Variants in CGRRF1 observed in about 807,000 individuals in gnomAD.
CGRRF1 encodes the protein cell growth regulator with RING finger domain protein 1.
Under a neutral mutation model 37.2 loss-of-function variants are expected in CGRRF1, and 32 were observed. The ratio of observed to expected loss-of-function variants is 0.86; its 90% confidence interval spans 0.65 to 1.16. The LOEUF (loss-of-function observed/expected upper bound fraction) is 1.16. Ranked by LOEUF, CGRRF1 falls within the 50% of genes most tolerant of loss-of-function variation. CGRRF1 has a pLI of 0.00. For synonymous variants in CGRRF1, 141 were observed against 140.3 expected, an observed-to-expected ratio of 1.00 and a Z score of -0.04; for missense variants, 391 against 382.6, an observed-to-expected ratio of 1.02 and a Z score of -0.18.
chr14:54,515,964 TTTTG>T (rs1218720911), intron 1 of CGRRF1, among the ~76,000 whole-genome samples: 1 of 152,186 alleles, frequency 6.6e-6, no homozygotes, highest in Admixed American at 6.5e-5. Context: ...GCTATTCGTT[TTTTG>T]TTTGTTTTGT....
chr14:54,519,411 AT>A (rs1217283462), intron 1 of CGRRF1, among the ~76,000 whole-genome samples: 3,514 of 121,576 alleles, frequency 0.029, 57 homozygotes, highest in East Asian at 0.088. Context: ...CTAATTTTCC[AT>A]TTTTTTTTTT....
chr14:54,523,519 T>G (rs1444902329), intron 2 of CGRRF1, among the ~76,000 whole-genome samples: 1 of 150,984 alleles, frequency 6.6e-6, no homozygotes, highest in Non-Finnish European at 1.5e-5. Flanking sequence ...CTCTCTTACT[T>G]TTTTTTTCTT....
At chr14:54,510,141 A>AGCCGGAGGGCCGCGG (rs1303310589) in intron 1 of CGRRF1, 78 bp downstream of exon 1, 3 of 1,096,170 alleles carry the variant, frequency 2.7e-6, no homozygotes, top group Non-Finnish European at 4.1e-6. Context: ...GGGGCACCGG[A>AGCCGGAGGGCCGCGG]GCCGGAGGGC....
At chr14:54,518,405 CCAGGCGTGGTGGTGCAT>C (rs2032253483) in intron 1 of CGRRF1, among the ~76,000 whole-genome samples, 1 of 151,956 alleles carries the variant, frequency 6.6e-6, no homozygotes, top group Non-Finnish European at 1.5e-5. Flanking sequence ...AAAAAATTAG[CCAGGCGTGGTGGTGCAT>C]GCCTGGAATC....
At chr14:54,520,171 C>T (rs902007638) in intron 1 of CGRRF1, among the ~76,000 whole-genome samples, 6 of 152,000 alleles carry the variant, frequency 3.9e-5, no homozygotes, top group East Asian at 1.9e-4. Context: ...TGCAATGGCG[C>T]GATCTTGGCT....
At chr14:54,519,083 C>T (rs887716859) in intron 1 of CGRRF1, among the ~76,000 whole-genome samples, 4 of 152,042 alleles carry the variant, frequency 2.6e-5, no homozygotes, top group Non-Finnish European at 4.4e-5. Flanking sequence ...GCTGGGATTA[C>T]AGGCATGCAC....
chr14:54,516,943 A>G (rs989351548), intron 1 of CGRRF1, among the ~76,000 whole-genome samples: 1 of 152,082 alleles, frequency 6.6e-6, no homozygotes, highest in Admixed American at 6.6e-5. Context: ...TCTGCTGTTA[A>G]TCTCATCCAC....
chr14:54,520,277 TTGTGTGTGTGTGTGTA>T (rs898711800), intron 1 of CGRRF1, among the ~76,000 whole-genome samples: 1 of 150,796 alleles, frequency 6.6e-6, no homozygotes, highest in African/African-American at 2.4e-5. Flanking sequence ...CCTGGCTAAT[TTGTGTGTGTGTGTGTA>T]TGTGTGTGTG....
rs1319061196 is a variant in CGRRF1 at position 54,538,346 on chromosome 14, A to G, written c.962A>G (p.Gln321Arg). 1.2e-6 allele frequency: 2 copies of G among 1,612,522 alleles called. No individual in the cohort carries two copies. The highest frequency in any genetic ancestry group is 1.3e-5 in the African/African-American group (1 of 75,034). Residue 321 changes from glutamine to arginine, a missense_variant, in exon 6 of 6, where the codon CAA (glutamine) becomes CGA (arginine). Coordinates refer to ENST00000216420, the MANE Select transcript of CGRRF1 (RefSeq NM_006568.3). ...CAGGAATCTTTTGCACTTTGCAGTC[A>G]AAAAGAGCAAGATAAAGACAAACCG... ...FVQESFALCS[Q>R]KEQDKDKPKT...
chr14:54,520,106 TTTTA>T (rs2032290249), intron 1 of CGRRF1, among the ~76,000 whole-genome samples: 1 of 152,160 alleles, frequency 6.6e-6, no homozygotes, highest in Admixed American at 6.5e-5. Flanking sequence ...AAATCTTATT[TTTTA>T]TTTATTTATT....
chr14:54,522,401 C>G, intron 1 of CGRRF1, 53 bp from the exon 2 acceptor site: 1 of 1,284,802 alleles, frequency 7.8e-7, no homozygotes, highest in South Asian at 1.6e-5. Context: ...TTACACATAA[C>G]ATAAAGTTTC....
In CGRRF1 at chr14:54,522,610, CAAAG is replaced by C; in HGVS notation, c.244+19_244+22del. The C allele has an allele frequency of 6.4e-7, 1 of 1,574,150 alleles. No homozygotes were observed. Among genetic ancestry groups the C allele is most frequent in the African/African-American group, 1.4e-5 (1 of 72,504 alleles). ...CAATTACAAGTTGGTGGCTGTTTTC[CAAAG>C]ATTTTCTCTCATTGTTTGCCCTCTT... On this transcript the variant is annotated intron_variant, in intron 2 of 5. Transcript: ENST00000216420.
At chr14:54,521,687 T>C (rs1321604141) in intron 1 of CGRRF1, among the ~76,000 whole-genome samples, 1 of 151,814 alleles carries the variant, frequency 6.6e-6, no homozygotes. Context: ...GTATTTTTAT[T>C]AATGACAGGG....
intron 3 of CGRRF1, chr14:54,530,476 A>T (rs2032494164): frequency 9.4e-7 from 1 of 1,062,144 alleles, no homozygotes; most frequent in Non-Finnish European, 1.3e-6. Flanking sequence ...TTGCTAACTT[A>T]TTGATCATTT....
intron 4 of CGRRF1, chr14:54,537,016 A>G (rs1030333480): frequency 1.3e-5 from 2 of 151,978 alleles, no homozygotes; most frequent in Non-Finnish European, 2.9e-5. Flanking sequence ...TGGTATGAGG[A>G]ATGCATCTAA....
chr14:54,536,537 CCA>C (rs1324928166), intron 4 of CGRRF1: 1 of 152,088 alleles, frequency 6.6e-6, no homozygotes, highest in African/African-American at 2.4e-5. Flanking sequence ...GAGTGTATTT[CCA>C]CAGAGTGTAT....
intron 4 of CGRRF1, chr14:54,536,597 A>G (rs1289719286): frequency 1.3e-5 from 2 of 152,216 alleles, no homozygotes; most frequent in Non-Finnish European, 2.9e-5. Flanking sequence ...ATAATGGTGC[A>G]GTATTAATTT....
Position 54,538,909 on chromosome 14 carries a change from C to T in CGRRF1, c.*526C>T, listed in dbSNP as rs566667639. The T allele has an allele frequency of 6.5e-6, 1 of 152,738 alleles. No individual in the cohort carries two copies. The highest frequency in any genetic ancestry group is 2.4e-5 in the African/African-American group (1 of 41,524). The allele number at this position is 152,738 out of a possible 1,614,324, so 9.5% of individuals were successfully genotyped here. On this transcript the variant is annotated 3_prime_UTR_variant, in exon 6 of 6. Transcript: ENST00000216420. ...TTTCTAATGTCCCTTATTATAGTTA[C>T]GTAAATACAGGTCATAGTTTTAAAT...
At chr14:54,537,939 A>G (rs1023579332) in intron 5 of CGRRF1, 110 bp downstream of exon 5, 25 of 1,495,494 alleles carry the variant, frequency 1.7e-5, no homozygotes, top group Non-Finnish European at 2.0e-5. Flanking sequence ...TACAGAAGAT[A>G]ACTAACTGTT....
Sources: allele counts gnomAD v4.1 joint callset (sites outside exome capture counted in the v4.1 genomes callset), GRCh38; gene constraint gnomAD v4.1.1; transcripts MANE v1.5; gene names NCBI Gene and HGNC (gene_info 2026-07-23, HGNC 2026-07-21).